The following EPB41L4B variants were observed in gnomAD, a reference collection of about 807,000 sequenced individuals.
EPB41L4B encodes erythrocyte membrane protein band 4.1 like 4B.
In EPB41L4B, 30 loss-of-function variants were observed where a neutral mutation model predicts 112.5. The observed-to-expected ratio is 0.27, with a 90% CI of 0.20 to 0.36. The LOEUF (loss-of-function observed/expected upper bound fraction) is 0.36. EPB41L4B is among the 10% of genes least tolerant of loss of function. EPB41L4B has a pLI of 1.00. For missense variants in EPB41L4B, 1,024 were observed against 1,133.3 expected, an observed-to-expected ratio of 0.90 and a Z score of 1.38; for synonymous variants, 408 against 439.7, an observed-to-expected ratio of 0.93 and a Z score of 0.90.
At chr9:109,249,982 AC>A in intron 13 of EPB41L4B, among the ~76,000 whole-genome samples, 1 of 152,192 alleles carries the variant, frequency 6.6e-6, no homozygotes, top group Admixed American at 6.5e-5. Context: ...GTTCTCTAGA[AC>A]CCTGGGTTCC....
intron 2 of EPB41L4B, 27 bp downstream of exon 2, chr9:109,279,790 C>G: frequency 1.9e-6 from 3 of 1,588,442 alleles, no homozygotes; most frequent in Non-Finnish European, 2.6e-6. Context: ...CCAATCTGTT[C>G]TGAAATGAAT....
intron 1 of EPB41L4B, among the ~76,000 whole-genome samples, chr9:109,289,253 T>C (rs1836431303): frequency 1.3e-5 from 2 of 152,154 alleles, no homozygotes; most frequent in African/African-American, 2.4e-5. Context: ...CAAAGCGTGT[T>C]GTTCTCCAAA....
At chr9:109,227,531 T>C (rs1395037175) in intron 15 of EPB41L4B, among the ~76,000 whole-genome samples, 2 of 152,234 alleles carry the variant, frequency 1.3e-5, no homozygotes, top group African/African-American at 4.8e-5. Context: ...TATTCCTAGG[T>C]ATTTTTCAAT....
intron 15 of EPB41L4B, among the ~76,000 whole-genome samples, chr9:109,232,412 A>C (rs929118637): frequency 5.9e-5 from 9 of 152,138 alleles, no homozygotes; most frequent in Non-Finnish European, 4.4e-5. Context: ...CACTTGTTTA[A>C]ATACATCCTC....
intron 1 of EPB41L4B, among the ~76,000 whole-genome samples, chr9:109,311,784 A>G (rs533121675): frequency 6.6e-6 from 1 of 152,196 alleles, no homozygotes; most frequent in African/African-American, 2.4e-5. Flanking sequence ...GGGGAAGAGC[A>G]CTGGAAAATG....
intron 16 of EPB41L4B, among the ~76,000 whole-genome samples, chr9:109,215,486 G>A (rs895505259): frequency 1.3e-5 from 2 of 151,964 alleles, no homozygotes; most frequent in African/African-American, 4.8e-5. Context: ...CACCACGTTG[G>A]CCAGGTTGGT....
intron 24 of EPB41L4B, among the ~76,000 whole-genome samples, chr9:109,176,942 G>A (rs902935247): frequency 6.6e-6 from 1 of 152,224 alleles, no homozygotes; most frequent in African/African-American, 2.4e-5. Context: ...TCAGTTGTAA[G>A]ATGCACCATT....
At chr9:109,202,456 C>T (rs1489652808) in intron 19 of EPB41L4B, among the ~76,000 whole-genome samples, 1 of 152,186 alleles carries the variant, frequency 6.6e-6, no homozygotes. Flanking sequence ...CACATTCACA[C>T]AAAGGATCCA....
intron 22 of EPB41L4B, among the ~76,000 whole-genome samples, chr9:109,188,855 C>A (rs1832357735): frequency 6.6e-6 from 1 of 152,120 alleles, no homozygotes; most frequent in South Asian, 2.1e-4. Context: ...GCATGGGGAT[C>A]AGAGAGGGAC....
At chr9:109,247,289 C>G (rs1027138921) in intron 14 of EPB41L4B, among the ~76,000 whole-genome samples, 1 of 151,410 alleles carries the variant, frequency 6.6e-6, no homozygotes, top group African/African-American at 2.4e-5. Context: ...TTTCTCAGTA[C>G]TTTTATACCT....
intron 24 of EPB41L4B, among the ~76,000 whole-genome samples, chr9:109,179,715 A>G (rs1831983600): frequency 6.6e-6 from 1 of 152,044 alleles, no homozygotes; most frequent in Non-Finnish European, 1.5e-5. Flanking sequence ...AAATATGGGA[A>G]CCATTTCTGA....
intron 1 of EPB41L4B, among the ~76,000 whole-genome samples, chr9:109,281,984 A>C (rs946701047): frequency 6.6e-6 from 1 of 152,246 alleles, no homozygotes; most frequent in Non-Finnish European, 1.5e-5. Context: ...AGGTAGAAAC[A>C]ACCCAAATAT....
intron 15 of EPB41L4B, among the ~76,000 whole-genome samples, chr9:109,236,999 G>A (rs948108167): frequency 2.3e-4 from 35 of 152,338 alleles, no homozygotes; most frequent in African/African-American, 8.4e-4. Context: ...GATCAATATG[G>A]CTGTTCAGGG....
At chr9:109,190,312 C>T (rs1198148509) in intron 22 of EPB41L4B, among the ~76,000 whole-genome samples, 1 of 152,226 alleles carries the variant, frequency 6.6e-6, no homozygotes, top group African/African-American at 2.4e-5. Context: ...GGGTAATTCA[C>T]TGCCTGTGTG....
intron 1 of EPB41L4B, among the ~76,000 whole-genome samples, chr9:109,289,696 C>A (rs866513480): frequency 6.6e-6 from 1 of 152,184 alleles, no homozygotes; most frequent in African/African-American, 2.4e-5. Context: ...AGGACATTGA[C>A]GTTTTGGAAG....
chr9:109,205,433 T>C (rs574201656), intron 18 of EPB41L4B, among the ~76,000 whole-genome samples: 9 of 152,208 alleles, frequency 5.9e-5, no homozygotes, highest in African/African-American at 1.7e-4. Context: ...CATGGGGTTA[T>C]TGGGAACATG....
chr9:109,226,754 GAATA>G (rs1833791671), intron 15 of EPB41L4B, among the ~76,000 whole-genome samples: 1 of 95,638 alleles, frequency 1.0e-5, no homozygotes, highest in Non-Finnish European at 2.1e-5. Flanking sequence ...TATATATGAA[GAATA>G]TATATATATG....
chr9:109,234,087 C>A (rs1834053597), intron 15 of EPB41L4B, among the ~76,000 whole-genome samples: 1 of 136,658 alleles, frequency 7.3e-6, no homozygotes. Context: ...GGATTTTACC[C>A]ATCAGACTAA....
intron 4 of EPB41L4B, among the ~76,000 whole-genome samples, chr9:109,267,062 C>T (rs1478799547): frequency 1.3e-5 from 2 of 148,530 alleles, no homozygotes; most frequent in Non-Finnish European, 3.0e-5. Context: ...CTCTGTTTTT[C>T]TTAAAGAGGT....
Sources: allele counts gnomAD v4.1 joint callset (sites outside exome capture counted in the v4.1 genomes callset), GRCh38; gene constraint gnomAD v4.1.1; transcripts MANE v1.5; gene names NCBI Gene and HGNC (gene_info 2026-07-23, HGNC 2026-07-21).